Variants in NYAP1 observed in about 807,000 individuals in gnomAD.
The protein encoded by NYAP1 is neuronal tyrosine phosphorylated phosphoinositide-3-kinase adaptor 1.
In NYAP1, 20 loss-of-function variants were observed where a neutral mutation model predicts 58.6. The ratio of observed to expected loss-of-function variants is 0.34; its 90% CI spans 0.24 to 0.50. NYAP1 has a LOEUF of 0.50. NYAP1 is among the 20% of genes least tolerant of loss of function. NYAP1 has a pLI of 0.98. For synonymous variants in NYAP1, 572 were observed against 523.1 expected (o/e 1.09, Z -1.27); for missense variants, 1,150 against 1,194.5 (o/e 0.96, Z 0.55).
In NYAP1 at chr7:100,486,568, A is replaced by G. The variant is rs1799705132; in HGVS notation, c.69-253A>G. 6.6e-6 allele frequency among the ~76,000 whole-genome samples: 1 copy of G among 152,058 alleles called. No individual in the cohort carries two copies. Among genetic ancestry groups the G allele is most frequent in the Admixed American group, 6.5e-5 (1 of 15,270 alleles). On this transcript the variant is annotated intron_variant, in intron 2 of 6. Transcript: ENST00000300179. This position sits in a 1 kb window ranked among gnomAD's most constrained non-coding sequence, Gnocchi z 6.2. ...GCCCAGGCTGGGATCCGCCAGCCCCAGGGATGCTCCCCTGCAGGCATACTC... is the reference window on the plus strand; with the variant it reads ...GCCCAGGCTGGGATCCGCCAGCCCCGGGGATGCTCCCCTGCAGGCATACTC...
At chr7:100,491,804 T>A (rs1407758129) in intron 6 of NYAP1, among the ~76,000 whole-genome samples, 2 of 151,968 alleles carry the variant, frequency 1.3e-5, no homozygotes, top group African/African-American at 4.8e-5. Context: ...ATCCCAGCAG[T>A]TTGGGAGGCT....
chr7:100,484,322 T>C (rs980527625), intron 1 of NYAP1, among the ~76,000 whole-genome samples: 2 of 151,258 alleles, frequency 1.3e-5, no homozygotes, highest in Non-Finnish European at 2.9e-5. Flanking sequence ...AAGGTAGCAG[T>C]GGGGCCAGAC....
rs1415776187 is a variant in NYAP1, at chr7:100,489,490, T to C, written c.1769T>C (p.Leu590Pro). ...CCATCCCCCATGGTCAAGATCCAGC[T>C]GCAGGAGCAAGGGACCGATGGGGGT... is the stretch of plus-strand genomic sequence containing the variant. ...GAPSPMVKIQLQEQGTDGGAF... is the reference protein window; with the variant it reads ...GAPSPMVKIQPQEQGTDGGAF... Residue 590 changes from leucine to proline, a missense_variant, in exon 4 of 7, where the codon CTG becomes CCG. By Grantham distance (98) the Leu-to-Pro change is moderately conservative (BLOSUM62 -3). Transcript: ENST00000300179. 1.9e-6 allele frequency: 3 copies of C among 1,613,308 alleles called. No homozygotes were observed. Among genetic ancestry groups the C allele is most frequent in the Non-Finnish European group, 2.5e-6 (3 of 1,179,954 alleles).
rs546810441 is a variant in NYAP1, at chr7:100,486,348, G to A, written c.69-473G>A. Among the ~76,000 whole-genome samples, 643 of 152,198 alleles carry A rather than the reference G, an allele frequency of 4.2e-3. 3 individuals are homozygous for A. Among genetic ancestry groups the A allele is most frequent in the Non-Finnish European group, 6.8e-3 (464 of 67,984 alleles). On this transcript the variant is annotated intron_variant, in intron 2 of 6. Coordinates refer to ENST00000300179, the MANE Select transcript of NYAP1 (RefSeq NM_173564.4). The surrounding 1 kb of genome is among the most constrained non-coding windows in gnomAD (Gnocchi z 6.2). ...AGGGAGGCTGCTCTGGTCCTGGAGG[G>A]GCACATCCTGCATCTGGGAGAGGAG...
chr7:100,490,710 C>G lies in NYAP1; in HGVS notation c.2139C>G (p.Pro713=). ...TGCCCATTCCCTGCCAGACCTTCCC[C>G]GCCTGCCACCGCAATGGAGGTGACG... ...TALPIPCQTF[P]ACHRNGDFTG... Residue 713 remains proline (P), a synonymous_variant, in exon 5 of 7, where the codon CCC becomes CCG. Coordinates refer to ENST00000300179, the MANE Select transcript of NYAP1 (RefSeq NM_173564.4). This position sits in a 1 kb window ranked among gnomAD's most constrained non-coding sequence, Gnocchi z 4.6. 1 of 1,516,046 alleles carries G rather than the reference C, an allele frequency of 6.6e-7. No homozygotes were observed. Among genetic ancestry groups the G allele is most frequent in the Non-Finnish European group, 8.9e-7 (1 of 1,128,458 alleles). The allele number at this position is 1,516,046 out of a possible 1,614,324, so 93.9% of individuals were successfully genotyped here. A position where few individuals can be genotyped will look rare whatever the true frequency, so the allele number is the denominator to read the frequency against.
Position 100,488,369 on chromosome 7 carries a change from C to T in NYAP1, c.648C>T (p.Tyr216=). ...PDVGAQEEPV[Y]IEMVGDVFRG... is the part of the protein sequence containing the mutation. ...TGGGTGCCCAGGAAGAGCCTGTGTA[C>T]ATTGAGATGGTGGGGGACGTCTTTA... The change falls in exon 4 of 7, where the codon TAC becomes TAT. Residue 216 remains tyrosine, a synonymous_variant. Transcript: ENST00000300179. The surrounding 1 kb of genome is among the most constrained non-coding windows in gnomAD (Gnocchi z 5.9). 6.2e-7 allele frequency: 1 copy of T among 1,601,390 alleles called. No individual in the cohort carries two copies. The highest frequency in any genetic ancestry group is 8.5e-7 in the Non-Finnish European group (1 of 1,174,862).
At chr7:100,484,538 G>A (rs1419034590) in intron 1 of NYAP1, among the ~76,000 whole-genome samples, 1 of 152,104 alleles carries the variant, frequency 6.6e-6, no homozygotes, top group Non-Finnish European at 1.5e-5. Flanking sequence ...GGGAAGGCAG[G>A]CAGTGGAGAT....
At chr7:100,492,594 C>A (rs935404698) in intron 6 of NYAP1, among the ~76,000 whole-genome samples, 5 of 152,054 alleles carry the variant, frequency 3.3e-5, no homozygotes, top group Non-Finnish European at 7.4e-5. Context: ...AAGACCGTGT[C>A]TCAAAAGAAA....
In NYAP1 at chr7:100,485,431, CCT is replaced by C. The variant is rs543218940; in HGVS notation, c.68+54_68+55del. 1.8e-4 allele frequency: 255 copies of C among 1,388,946 alleles called. 1 individual carries two copies. The African/African-American group carries it at 2.6e-3, about 14-fold the overall frequency. 86.0% of individuals were successfully genotyped at this position (1,388,946 alleles called of 1,614,324 possible). On this transcript the variant is annotated intron_variant, in intron 2 of 6. Coordinates refer to ENST00000300179, the MANE Select transcript of NYAP1 (RefSeq NM_173564.4). The surrounding 1 kb of genome is among the most constrained non-coding windows in gnomAD (Gnocchi z 5.7). ...TTCCCTTCCGCACCTCTGCCTGCCC[CCT>C]CACTGGGCCACAGCCCTTCTCGGGG... is the stretch of plus-strand genomic sequence containing the variant.
In NYAP1 at chr7:100,490,074, CT is replaced by C. The variant is rs1291590203; in HGVS notation, c.1945+409del. 1.3e-5 allele frequency among the ~76,000 whole-genome samples: 2 copies of C among 152,050 alleles called. No individual in the cohort carries two copies. Among genetic ancestry groups the C allele is most frequent in the African/African-American group, 4.8e-5 (2 of 41,390 alleles). ...TACCGTTGCCTGGCAACGCAATGCTCTGCCAGGCCTCCTCTCAGAGATGAGC... is the reference window on the plus strand; with the variant it reads ...TACCGTTGCCTGGCAACGCAATGCTCGCCAGGCCTCCTCTCAGAGATGAGC... On this transcript the variant is annotated intron_variant, in intron 4 of 6. Transcript: ENST00000300179. The surrounding 1 kb of genome is among the most constrained non-coding windows in gnomAD (Gnocchi z 4.6).
rs1052868867 is a variant in NYAP1 at position 100,488,058 on chromosome 7, C to G, written c.431-94C>G. 1.3e-5 allele frequency: 11 copies of G among 868,234 alleles called. No individual in the cohort carries two copies. The African/African-American group carries it at 1.5e-4, about 12-fold the overall frequency. The allele number at this position is 868,234 out of a possible 1,614,324, so 53.8% of individuals were successfully genotyped here. On this transcript the variant is annotated intron_variant, in intron 3 of 6. Transcript: ENST00000300179. This position sits in a 1 kb window ranked among gnomAD's most constrained non-coding sequence, Gnocchi z 5.9. ...GGGGAAAAGGAAGAGGCAGATATGT[C>G]CTTGCAGAAGGGTCAAGGGATCAGA...
At position 100,489,200 on chromosome 7, in the gene NYAP1, G is replaced by A. The variant is rs911208051; in HGVS notation, c.1479G>A (p.Ser493=). ...AGEPKTEKEI[S]VLHGMLCTSS... The stretch of plus-strand genomic sequence containing the variant: ...AGCCAAAGACGGAGAAGGAGATCTC[G>A]GTCCTCCATGGGATGCTGTGTACCA... Residue 493 remains serine, a synonymous_variant, in exon 4 of 7, where the codon TCG becomes TCA. Transcript: ENST00000300179. 5.0e-6 allele frequency: 8 copies of A among 1,610,112 alleles called. No homozygotes were observed. Among genetic ancestry groups the A allele is most frequent in the African/African-American group, 1.3e-5 (1 of 74,884 alleles).
Position 100,490,713 on chromosome 7 carries a change from C to T in NYAP1, c.2142C>T (p.Ala714=), listed in dbSNP as rs1799783957. 1 of 1,516,468 alleles carries T rather than the reference C, an allele frequency of 6.6e-7. No homozygotes were observed. Among genetic ancestry groups the T allele is most frequent in the South Asian group, 1.3e-5 (1 of 77,430 alleles). 93.9% of individuals were successfully genotyped at this position (1,516,468 alleles called of 1,614,324 possible). ...CCATTCCCTGCCAGACCTTCCCCGC[C>T]TGCCACCGCAATGGAGGTGACGCGG... ...ALPIPCQTFP[A]CHRNGDFTGG... The change falls in exon 5 of 7, where the codon GCC becomes GCT. Residue 714 remains alanine (A), a synonymous_variant. Transcript: ENST00000300179. This position sits in a 1 kb window ranked among gnomAD's most constrained non-coding sequence, Gnocchi z 4.6.
intron 4 of NYAP1, among the ~76,000 whole-genome samples, 183 bp downstream of exon 4, chr7:100,489,849 T>G (rs1390011918): frequency 6.6e-6 from 1 of 151,936 alleles, no homozygotes; most frequent in African/African-American, 2.4e-5. Context: ...GGTCCCCCAG[T>G]GTGCGCTGGA....
Position 100,489,262 on chromosome 7 carries a change from A to T in NYAP1, c.1541A>T (p.His514Leu), listed in dbSNP as rs746353446. Reference sequence around the variant, plus strand: ...CCTGTGCCAGGGAAGACCAGCCCCCACGGTGGGGCCATGGGCGCAGCAGCT... The same window carrying T: ...CCTGTGCCAGGGAAGACCAGCCCCCTCGGTGGGGCCATGGGCGCAGCAGCT... ...RPPVPGKTSP[H>L]GGAMGAAAGV... The change falls in exon 4 of 7, where the codon CAC (histidine) becomes CTC (leucine). Residue 514 changes from histidine (H) to leucine (L), a missense_variant. By Grantham distance (99) the His-to-Leu change is moderately conservative. Transcript: ENST00000300179. The T allele has an allele frequency of 6.2e-7, 1 of 1,602,646 alleles. No individual in the cohort carries two copies. Among genetic ancestry groups the T allele is most frequent in the Non-Finnish European group, 8.5e-7 (1 of 1,175,406 alleles).
Position 100,489,044 on chromosome 7 carries a change from C to A in NYAP1, c.1323C>A (p.Ala441=), listed in dbSNP as rs752266949. ...ICPKAAGAPA[A]PPAPAALLPG... ...CTAAGGCGGCGGGGGCGCCGGCAGCCCCCCCTGCCCCGGCCGCCTTGCTCC... is the reference window on the plus strand; with the variant it reads ...CTAAGGCGGCGGGGGCGCCGGCAGCACCCCCTGCCCCGGCCGCCTTGCTCC... Residue 441 remains alanine, a synonymous_variant, in exon 4 of 7, where the codon GCC becomes GCA. Transcript: ENST00000300179. 2.1e-5 allele frequency: 33 copies of A among 1,541,744 alleles called. No homozygotes were observed. The highest frequency in any genetic ancestry group is 1.9e-4 in the East Asian group (8 of 41,386).
At position 100,494,231 on chromosome 7, in the gene NYAP1, G is replaced by T; in HGVS notation, c.*328G>T. On this transcript the variant is annotated 3_prime_UTR_variant, in exon 7 of 7. Coordinates refer to ENST00000300179, the MANE Select transcript of NYAP1 (RefSeq NM_173564.4). ...CAGCATGGGGAAGGGAGGAAGGAAG[G>T]GATGGGAGGAAGAGGGGGGTGGGTG... 1 of 293,466 alleles carries T rather than the reference G, an allele frequency of 3.4e-6. No individual in the cohort carries two copies. Among genetic ancestry groups the T allele is most frequent in the Non-Finnish European group, 6.3e-6 (1 of 159,042 alleles). 18.2% of individuals were successfully genotyped at this position (293,466 alleles called of 1,614,324 possible).
chr7:100,487,043 C>T lies in NYAP1; in HGVS notation c.291C>T (p.Gly97=). 4 of 1,603,000 alleles carry T rather than the reference C, an allele frequency of 2.5e-6. No individual in the cohort carries two copies. The highest frequency in any genetic ancestry group is 3.4e-6 in the Non-Finnish European group (4 of 1,174,628). ...SVGSMDSVGG[G]PGGASGGLTE... is the part of the protein sequence containing the mutation. Reference sequence around the variant, plus strand: ...GCAGCATGGACAGTGTCGGGGGTGGCCCTGGCGGGGCCAGTGGGGGCCTCA... The same window carrying T: ...GCAGCATGGACAGTGTCGGGGGTGGTCCTGGCGGGGCCAGTGGGGGCCTCA... The change falls in exon 3 of 7, where the codon GGC becomes GGT. Residue 97 remains glycine (G), a synonymous_variant. Coordinates refer to ENST00000300179, the MANE Select transcript of NYAP1 (RefSeq NM_173564.4). This position sits in a 1 kb window ranked among gnomAD's most constrained non-coding sequence, Gnocchi z 4.1.
In NYAP1 at chr7:100,486,049, C is replaced by G. The variant is rs559461411; in HGVS notation, c.68+670C>G. The stretch of plus-strand genomic sequence containing the variant: ...CACAGCCACCTCCCTTTTCCTTCCT[C>G]GCAACTGTGGAGTTTAATTCTTGTT... On this transcript the variant is annotated intron_variant, in intron 2 of 6. Coordinates refer to ENST00000300179, the MANE Select transcript of NYAP1 (RefSeq NM_173564.4). This position sits in a 1 kb window ranked among gnomAD's most constrained non-coding sequence, Gnocchi z 6.2. Among the ~76,000 whole-genome samples, 3 of 152,178 alleles carry G rather than the reference C, an allele frequency of 2.0e-5. No homozygotes were observed. Among genetic ancestry groups the G allele is most frequent in the Non-Finnish European group, 2.9e-5 (2 of 68,034 alleles).
Sources: allele counts gnomAD v4.1 joint callset (sites outside exome capture counted in the v4.1 genomes callset), GRCh38; gene constraint gnomAD v4.1.1; non-coding constraint Gnocchi (gnomAD v3.1); transcripts MANE v1.5; gene names NCBI Gene and HGNC (gene_info 2026-07-23, HGNC 2026-07-21).